The following RAD51B variants were observed in gnomAD, a reference collection of about 807,000 sequenced individuals.
RAD51B encodes the protein RAD51 paralog B, also known as DNA repair protein RAD51 homolog 2.
Under a neutral mutation model 42.2 loss-of-function variants are expected in RAD51B, and 38 were observed. The ratio of observed to expected loss-of-function variants is 0.90; its 90% CI spans 0.70 to 1.18. RAD51B has a LOEUF of 1.18. Ranked by LOEUF, RAD51B falls within the 50% of genes most tolerant of loss-of-function variation. The probability of loss-of-function intolerance (pLI) is 0.00; values close to 1 mark genes in which losing one functional copy is unlikely to be tolerated. For synonymous variants in RAD51B, 154 were observed against 145.2 expected, an observed-to-expected ratio of 1.06 and a Z score of -0.43; for missense variants, 373 against 400.7, an observed-to-expected ratio of 0.93 and a Z score of 0.59.
intron 10 of RAD51B, among the ~76,000 whole-genome samples, chr14:68,643,201 T>A (rs1160316684): frequency 6.6e-6 from 1 of 152,210 alleles, no homozygotes; most frequent in Non-Finnish European, 1.5e-5. Context: ...GTTAGGTGCA[T>A]ACAAGTTAAG....
At chr14:68,033,869 A>C (rs2076083109) in intron 7 of RAD51B, among the ~76,000 whole-genome samples, 1 of 152,300 alleles carries the variant, frequency 6.6e-6, no homozygotes, top group East Asian at 1.9e-4. Context: ...GTCAGTTAAG[A>C]TGCATTTTCT....
chr14:68,334,908 T>TATGTC (rs1555394291), intron 8 of RAD51B, among the ~76,000 whole-genome samples: 2 of 145,496 alleles, frequency 1.4e-5, no homozygotes, highest in African/African-American at 5.1e-5. Flanking sequence ...ATAGGATAGA[T>TATGTC]ATATTTTATG....
chr14:68,594,830 A>T, exon 11 of RAD51B: 1 of 1,210,546 alleles, frequency 8.3e-7, no homozygotes, highest in Non-Finnish European at 1.0e-6. Context: ...TGACCTGCTC[A>T]GGTGCCCCTC....
chr14:68,262,326 G>C (rs1023476976), intron 7 of RAD51B, among the ~76,000 whole-genome samples: 1 of 152,112 alleles, frequency 6.6e-6, no homozygotes, highest in African/African-American at 2.4e-5. Flanking sequence ...ATTGGCATGA[G>C]AGAGGGAAGG....
At chr14:68,645,839 T>C (rs1160278652) in intron 10 of RAD51B, among the ~76,000 whole-genome samples, 1 of 152,208 alleles carries the variant, frequency 6.6e-6, no homozygotes. Context: ...TTTGCTATCA[T>C]AAGTAAAATT....
chr14:67,897,982 G>A (rs866738495), intron 7 of RAD51B, among the ~76,000 whole-genome samples: 2 of 152,076 alleles, frequency 1.3e-5, no homozygotes, highest in Non-Finnish European at 2.9e-5. Flanking sequence ...AATGTAAATT[G>A]GTGTAGCTAC....
chr14:68,225,553 G>A (rs1022414221), intron 7 of RAD51B, among the ~76,000 whole-genome samples: 2 of 152,140 alleles, frequency 1.3e-5, no homozygotes, highest in Non-Finnish European at 2.9e-5. Context: ...TCAGCTTGCT[G>A]GTCCGTATTT....
chr14:68,619,587 TC>T (rs1382475539), intron 10 of RAD51B, among the ~76,000 whole-genome samples: 1 of 151,966 alleles, frequency 6.6e-6, no homozygotes, highest in African/African-American at 2.4e-5. Flanking sequence ...TACTGCAGCC[TC>T]CCCCAGGCTG....
chr14:67,835,492 GCATA>G (rs2041206258), intron 4 of RAD51B, among the ~76,000 whole-genome samples: 1 of 151,630 alleles, frequency 6.6e-6, no homozygotes, highest in African/African-American at 2.4e-5. Context: ...TATATATAAT[GCATA>G]CATATATGTT....
intron 8 of RAD51B, among the ~76,000 whole-genome samples, chr14:68,406,441 T>C (rs1668353789): frequency 6.6e-6 from 1 of 152,192 alleles, no homozygotes; most frequent in Non-Finnish European, 1.5e-5. Context: ...TCTAAACACA[T>C]CTAAACAGAA....
chr14:68,294,902 C>G (rs1279756208), intron 8 of RAD51B, among the ~76,000 whole-genome samples: 1 of 152,148 alleles, frequency 6.6e-6, no homozygotes, highest in Admixed American at 6.5e-5. Flanking sequence ...CTCTCTCTGC[C>G]TCTCTCCACA....
chr14:67,845,767 A>G (rs2041591304), intron 4 of RAD51B, among the ~76,000 whole-genome samples: 1 of 152,190 alleles, frequency 6.6e-6, no homozygotes, highest in African/African-American at 2.4e-5. Context: ...TCCAGCTTGC[A>G]GAGTTTCTGC....
At chr14:67,899,578 G>A (rs1234828728) in intron 7 of RAD51B, among the ~76,000 whole-genome samples, 1 of 152,076 alleles carries the variant, frequency 6.6e-6, no homozygotes, top group Non-Finnish European at 1.5e-5. Flanking sequence ...GGGCTTTGAA[G>A]TCCCTTTTAA....
chr14:68,063,929 A>G (rs2076609067), intron 7 of RAD51B, among the ~76,000 whole-genome samples: 1 of 151,944 alleles, frequency 6.6e-6, no homozygotes. Flanking sequence ...CTGCTGTTTT[A>G]TATGTCCTTT....
At position 68,632,473 on chromosome 14, in the gene RAD51B, C is replaced by G. The variant is rs143570658; in HGVS notation, c.1037-18308C>G. Among the ~76,000 whole-genome samples, 524 of 152,300 alleles carry G rather than the reference C, an allele frequency of 3.4e-3. 2 individuals are homozygous for G. Among genetic ancestry groups the G allele is most frequent in the African/African-American group, 0.012 (495 of 41,550 alleles). On this transcript the variant is annotated intron_variant, in intron 10 of 11. Transcript: ENST00000488612. ...CTGCAGCCTTTTCCAGGGATGCCATCCAGACGGGGACATCCCTCACAAGTT... is the reference window on the plus strand; with the variant it reads ...CTGCAGCCTTTTCCAGGGATGCCATGCAGACGGGGACATCCCTCACAAGTT...
intron 7 of RAD51B, among the ~76,000 whole-genome samples, chr14:68,107,028 T>C (rs2077386585): frequency 6.6e-6 from 1 of 151,880 alleles, no homozygotes; most frequent in Non-Finnish European, 1.5e-5. Context: ...GTCTATTTAA[T>C]TCCAGTCTGT....
intron 7 of RAD51B, among the ~76,000 whole-genome samples, chr14:68,029,037 T>C (rs1052103235): frequency 3.9e-5 from 6 of 152,210 alleles, no homozygotes; most frequent in African/African-American, 1.2e-4. Flanking sequence ...ACAGTGATAG[T>C]GTGCAGTCCC....
intron 7 of RAD51B, among the ~76,000 whole-genome samples, chr14:68,219,376 G>A (rs2079878996): frequency 6.6e-6 from 1 of 152,112 alleles, no homozygotes; most frequent in Admixed American, 6.5e-5. Flanking sequence ...TCTAGCCAGT[G>A]GCCAACTAAC....
chr14:68,575,030 T>C (rs1181484081), intron 10 of RAD51B, among the ~76,000 whole-genome samples: 1 of 152,204 alleles, frequency 6.6e-6, no homozygotes, highest in Non-Finnish European at 1.5e-5. Flanking sequence ...CATCCAAGTA[T>C]GTTCTCCACA....
Sources: gnomAD v4.1 joint callset for allele counts (sites outside exome capture counted in the v4.1 genomes callset) on GRCh38, gnomAD v4.1.1 for gene constraint, MANE v1.5 for transcripts, NCBI Gene and HGNC (gene_info 2026-07-23, HGNC 2026-07-21) for gene names.